DRICH1: variants seen among roughly 807,000 people sequenced by gnomAD.
The protein encoded by DRICH1 is aspartate rich 1, also known as aspartate-rich protein 1.
A neutral mutation model predicts 39.5 loss-of-function variants in DRICH1; 38 were observed. That is an observed-to-expected ratio of 0.96 (90% CI 0.74 to 1.26). DRICH1 has a LOEUF of 1.26. Ranked by LOEUF, DRICH1 falls within the 50% of genes most tolerant of loss-of-function variation. The probability of loss-of-function intolerance (pLI) is 0.00; values close to 1 mark genes in which losing one functional copy is unlikely to be tolerated. For synonymous variants in DRICH1, 84 were observed against 99.5 expected, an observed-to-expected ratio of 0.84 and a Z score of 0.93; for missense variants, 279 against 270.4, an observed-to-expected ratio of 1.03 and a Z score of -0.22.
chr22:23,605,462 C>T (rs745733236), downstream of DRICH1, among the ~76,000 whole-genome samples: 8 of 152,082 alleles, frequency 5.3e-5, no homozygotes, highest in Admixed American at 2.6e-4. Context: ...ACCTGGTGCT[C>T]GGGGAGGTGG....
At chr22:23,626,186 T>G (rs1204281066) in intron 1 of DRICH1, 138 bp from the exon 2 acceptor site, 3 of 641,560 alleles carry the variant, frequency 4.7e-6, no homozygotes, top group Non-Finnish European at 8.5e-6. Context: ...TGTGTTCAAG[T>G]AGTGAGCATG....
At chr22:23,586,148 G>C in the DRICH1 span, among the ~76,000 whole-genome samples, 2 of 152,210 alleles carry the variant, frequency 1.3e-5, no homozygotes, top group Non-Finnish European at 2.9e-5. Flanking sequence ...TAGCTCAGCA[G>C]TTTTTGGTTT....
At chr22:23,586,566 T>C in the DRICH1 span, among the ~76,000 whole-genome samples, 2 of 152,156 alleles carry the variant, frequency 1.3e-5, no homozygotes. Flanking sequence ...TTTTTGAGAC[T>C]GAGTTTCACT....
At chr22:23,631,415 AAAAT>A (rs144088461) in intron 1 of DRICH1, among the ~76,000 whole-genome samples, 39,545 of 148,928 alleles carry the variant, frequency 0.27, 5,379 homozygotes, top group East Asian at 0.33. Flanking sequence ...GACTCCATCT[AAAAT>A]AAATAAATAA....
the DRICH1 span, among the ~76,000 whole-genome samples, chr22:23,595,786 CCTT>C: frequency 6.6e-6 from 1 of 152,074 alleles, no homozygotes; most frequent in African/African-American, 2.4e-5. Context: ...ATCCATAGCT[CCTT>C]CTCCTCCACT....
the DRICH1 span, among the ~76,000 whole-genome samples, chr22:23,602,712 G>A: frequency 2.2e-4 from 33 of 152,080 alleles, no homozygotes; most frequent in Admixed American, 1.6e-3. Flanking sequence ...AGAAATTTGG[G>A]GGGGGGTGGA....
chr22:23,589,635 C>T, the DRICH1 span, among the ~76,000 whole-genome samples: 3 of 152,078 alleles, frequency 2.0e-5, no homozygotes, highest in Non-Finnish European at 4.4e-5. Context: ...ACTAGTGTTA[C>T]GACAAATGCA....
the DRICH1 span, among the ~76,000 whole-genome samples, chr22:23,588,277 T>C: frequency 6.6e-6 from 1 of 152,092 alleles, no homozygotes; most frequent in African/African-American, 2.4e-5. Context: ...CAGGTACCCA[T>C]GGCCACACCC....
chr22:23,630,665 C>T (rs777905776), intron 1 of DRICH1: 1 of 152,198 alleles, frequency 6.6e-6, no homozygotes, highest in African/African-American at 2.4e-5. Context: ...TTTACAAACA[C>T]TACACATTAA....
chr22:23,627,573 C>A (rs1928142642), intron 1 of DRICH1, among the ~76,000 whole-genome samples: 1 of 152,144 alleles, frequency 6.6e-6, no homozygotes, highest in African/African-American at 2.4e-5. Context: ...ACACAAGGGC[C>A]AGTCACTGTG....
chr22:23,605,015 C>T (rs926710335), downstream of DRICH1, among the ~76,000 whole-genome samples: 4 of 152,172 alleles, frequency 2.6e-5, no homozygotes, highest in East Asian at 1.9e-4. Flanking sequence ...GCCAGCTCTG[C>T]GATATGAGCT....
rs539158233 is a variant in DRICH1, at chr22:23,619,787, T to A, written c.407-394A>T. ...TGGAGCTATTGCAGTGAGCCCAGAG[T>A]GAATTTTCATTCTGTCCTCCACACT... On this transcript the variant is annotated intron_variant, in intron 5 of 11. Coordinates refer to ENST00000317749, the MANE Select transcript of DRICH1 (RefSeq NM_016449.4). 4.7e-4 allele frequency among the ~76,000 whole-genome samples: 72 copies of A among 152,062 alleles called. No homozygotes were observed. The South Asian group carries it at 7.9e-3, about 17-fold the overall frequency.
chr22:23,613,196 C>T (rs766132308), intron 11 of DRICH1, 93 bp downstream of exon 11: 62 of 894,158 alleles, frequency 6.9e-5, no homozygotes, highest in Non-Finnish European at 1.1e-4. Context: ...TTCATACCCC[C>T]TCCTTCAGCC....
chr22:23,623,969 C>G, intron 3 of DRICH1: 1 of 599,670 alleles, frequency 1.7e-6, no homozygotes. Context: ...CAAGGTTGTG[C>G]TTCTCTCTCA....
At chr22:23,584,762 T>C in the DRICH1 span, among the ~76,000 whole-genome samples, 940 of 152,322 alleles carry the variant, frequency 6.2e-3, 16 homozygotes, top group South Asian at 0.038. Context: ...GGGATTAACA[T>C]TTAAATTTTA....
rs534428630 is a variant in DRICH1, at chr22:23,629,428, TCATGGGGATCAGTA to T, written c.208+2374_208+2387del. 5.8e-3 allele frequency among the ~76,000 whole-genome samples: 878 copies of T among 152,228 alleles called. 5 individuals carry two copies. Among genetic ancestry groups the T allele is most frequent in the African/African-American group, 0.02 (825 of 41,526 alleles). On this transcript the variant is annotated intron_variant, in intron 1 of 11. Coordinates refer to ENST00000317749, the MANE Select transcript of DRICH1 (RefSeq NM_016449.4). Reference sequence around the variant, plus strand: ...CAGCCCCCAACAGTGGGACAGTCCATCATGGGGATCAGTACATGGGGATCAGTACATGGGGATCA... The same window carrying T: ...CAGCCCCCAACAGTGGGACAGTCCATCATGGGGATCAGTACATGGGGATCA...
intron 3 of DRICH1, among the ~76,000 whole-genome samples, chr22:23,623,083 T>C (rs1486635751): frequency 1.3e-5 from 2 of 152,220 alleles, no homozygotes; most frequent in South Asian, 2.1e-4. Flanking sequence ...GTTTGATGCC[T>C]ATTGTACCAA....
downstream of DRICH1, among the ~76,000 whole-genome samples, chr22:23,605,988 C>T (rs1042860404): frequency 3.3e-5 from 5 of 151,328 alleles, no homozygotes; most frequent in East Asian, 3.9e-4. Flanking sequence ...GTAGGAGAAT[C>T]GCTTGAACCT....
At position 23,617,915 on chromosome 22, in the gene DRICH1, G is replaced by A. The variant is rs181556779; in HGVS notation, c.437-258C>T. 5.3e-4 allele frequency among the ~76,000 whole-genome samples: 80 copies of A among 152,260 alleles called. 1 individual carries two copies. The South Asian group carries it at 9.3e-3, about 18-fold the overall frequency. ...ACACACTAAGGGTCAATGGAAGAGT[G>A]CCTTCCTCCCTCTCAAATGTTTTGA... On this transcript the variant is annotated intron_variant, in intron 6 of 11. Coordinates refer to ENST00000317749, the MANE Select transcript of DRICH1 (RefSeq NM_016449.4).
Sources: gnomAD v4.1 joint callset for allele counts (sites outside exome capture counted in the v4.1 genomes callset) on GRCh38, gnomAD v4.1.1 for gene constraint, MANE v1.5 for transcripts, NCBI Gene and HGNC (gene_info 2026-07-23, HGNC 2026-07-21) for gene names.